The following DNAH5 variants were observed in gnomAD, a reference collection of about 807,000 sequenced individuals.
DNAH5 encodes the protein axonemal beta dynein heavy chain 5.
DNAH5 carries 372 observed loss-of-function variants against 518.2 expected under a neutral mutation model. The ratio of observed to expected loss-of-function variants is 0.72; its 90% CI spans 0.66 to 0.78. The LOEUF is 0.78. Among genes scored for constraint, DNAH5 ranks in the 30% least tolerant of loss-of-function variants. The probability of loss-of-function intolerance (pLI) is 0.00; values close to 1 mark genes in which losing one functional copy is unlikely to be tolerated. For synonymous variants in DNAH5, 2,039 were observed against 2,025.9 expected (o/e 1.01, Z -0.17); for missense variants, 5,523 against 5,687.0 (o/e 0.97, Z 0.93).
rs529073032 is a variant in DNAH5 at position 13,836,053 on chromosome 5, T to C, written c.5882+3303A>G. On this transcript the variant is annotated intron_variant, in intron 35 of 78. Transcript: ENST00000265104. ...ACTCCAGGGAGTGTTGGATTGCCCA[T>C]TTGGAGGTGATGTATTCACAGGCTT... Among the ~76,000 whole-genome samples the C allele has an allele frequency of 2.6e-5, 4 of 152,204 alleles. No homozygotes were observed. In the South Asian group the frequency reaches 8.3e-4, roughly 32 times the overall value.
chr5:13,980,616 C>CA (rs1782606127), intron 1 of DNAH5, among the ~76,000 whole-genome samples: 1 of 152,156 alleles, frequency 6.6e-6, no homozygotes, highest in Non-Finnish European at 1.5e-5. Flanking sequence ...CTAGCTCATC[C>CA]ACCACTACCA....
chr5:14,001,287 T>TGGAAAAATAAAATA (rs1257924093), intron 1 of DNAH5, among the ~76,000 whole-genome samples: 3 of 152,206 alleles, frequency 2.0e-5, no homozygotes, highest in African/African-American at 4.8e-5. Flanking sequence ...CCCCTAATTC[T>TGGAAAAATAAAATA]AAAATAAAAG....
intron 1 of DNAH5, 71 bp from the exon 2 acceptor site, chr5:13,931,315 A>G: frequency 6.3e-7 from 1 of 1,599,772 alleles, no homozygotes; most frequent in East Asian, 2.2e-5. Flanking sequence ...TAATAATTTC[A>G]TACAATTGTT....
At chr5:13,959,140 T>A (rs1467230489) in intron 1 of DNAH5, among the ~76,000 whole-genome samples, 1 of 152,142 alleles carries the variant, frequency 6.6e-6, no homozygotes, top group African/African-American at 2.4e-5. Flanking sequence ...AGAGACGGGG[T>A]TTCACCATGT....
At chr5:13,782,229 A>C (rs116505399) in intron 52 of DNAH5, among the ~76,000 whole-genome samples, 286 of 152,254 alleles carry the variant, frequency 1.9e-3, no homozygotes, top group African/African-American at 6.7e-3. Context: ...AAGCTTCCTG[A>C]AGTCACTGGG....
intron 75 of DNAH5, among the ~76,000 whole-genome samples, chr5:13,713,822 C>T (rs532613352): frequency 1.3e-5 from 2 of 151,926 alleles, no homozygotes; most frequent in South Asian, 2.1e-4. Context: ...ACCACCTGTA[C>T]CCCAATAACT....
At chr5:13,962,629 C>T (rs998451584) in intron 1 of DNAH5, among the ~76,000 whole-genome samples, 1 of 152,162 alleles carries the variant, frequency 6.6e-6, no homozygotes, top group Non-Finnish European at 1.5e-5. Context: ...AGCCAATGGG[C>T]AGGCATCAGT....
At chr5:13,848,013 T>C (rs1401985587) in intron 31 of DNAH5, among the ~76,000 whole-genome samples, 1 of 152,210 alleles carries the variant, frequency 6.6e-6, no homozygotes, top group Admixed American at 6.5e-5. Flanking sequence ...GATCCTGGTG[T>C]TAGGCACAGA....
At chr5:13,840,800 T>G in intron 34 of DNAH5, 106 bp downstream of exon 34, 1 of 912,702 alleles carries the variant, frequency 1.1e-6, no homozygotes, top group African/African-American at 1.7e-5. Flanking sequence ...TTTGCCAGAA[T>G]TTAATTTTTT....
chr5:13,984,398 A>G (rs1456193933), intron 1 of DNAH5, among the ~76,000 whole-genome samples: 1 of 152,188 alleles, frequency 6.6e-6, no homozygotes, highest in African/African-American at 2.4e-5. Flanking sequence ...GACTTTGCTG[A>G]AGTTGCTTAT....
chr5:13,960,292 A>C (rs1781090947), intron 1 of DNAH5, among the ~76,000 whole-genome samples: 1 of 152,192 alleles, frequency 6.6e-6, no homozygotes, highest in African/African-American at 2.4e-5. Flanking sequence ...GAGGAGGTGC[A>C]CAGATGAGTG....
Position 13,811,651 on chromosome 5 carries a change from A to G in DNAH5, c.7403T>C (p.Leu2468Pro), listed in dbSNP as rs1760733238. 1 of 1,613,992 alleles carries G rather than the reference A, an allele frequency of 6.2e-7. No individual in the cohort carries two copies. Among genetic ancestry groups the G allele is most frequent in the Admixed American group, 1.7e-5 (1 of 60,004 alleles). Residue 2468 changes from leucine to proline, a missense_variant, in exon 44 of 79, where the codon CTG (leucine) becomes CCG (proline). This residue lies in a region of DNAH5 where 5,121 missense variants were observed against 5,223.3 expected (regional missense o/e 0.98). Coordinates refer to ENST00000265104, the MANE Select transcript of DNAH5 (RefSeq NM_001369.3). Reference sequence around the variant, plus strand: ...CTAGAAAGTTGAGCAATTTACCTTCAGAGGAATCAGGCCTTGAAGCATGTT... The same window carrying G: ...CTAGAAAGTTGAGCAATTTACCTTCGGAGGAATCAGGCCTTGAAGCATGTT... ...SINMLQGLIP[L>P]KEQGGEVSQA...
intron 1 of DNAH5, among the ~76,000 whole-genome samples, chr5:13,977,713 C>G (rs775637146): frequency 4.6e-5 from 7 of 152,106 alleles, no homozygotes; most frequent in Admixed American, 3.3e-4. Context: ...GGTCCCAGCC[C>G]AGGATGGGAT....
chr5:13,770,995 G>C lies in DNAH5; in HGVS notation c.9374-15C>G, dbSNP rs779885132. On this transcript the variant is annotated splice_polypyrimidine_tract_variant and intron_variant, in intron 55 of 78. Transcript: ENST00000265104. The stretch of plus-strand genomic sequence containing the variant: ...GTGTTCAGACACTAGAGAGAATAAA[G>C]ATGACAGTGTGTGAAATATGTATGT... 12 of 1,570,696 alleles carry C rather than the reference G, an allele frequency of 7.6e-6. No individual in the cohort carries two copies. Among genetic ancestry groups the C allele is most frequent in the Non-Finnish European group, 1.1e-5 (12 of 1,141,040 alleles).
Position 13,844,991 on chromosome 5 carries a change from T to C in DNAH5, c.5117A>G (p.Tyr1706Cys), listed in dbSNP as rs1375706438. ...LEICQKSLTG[Y>C]LEKKRLCFPR... Reference sequence around the variant, plus strand: ...AAAGCACAGTCGTTTTTTCTCCAAGTACCTACAAGGAGAGGAAAAACATAA... The same window carrying C: ...AAAGCACAGTCGTTTTTTCTCCAAGCACCTACAAGGAGAGGAAAAACATAA... Residue 1706 changes from tyrosine to cysteine, a missense_variant and splice_region_variant, in exon 32 of 79, where the codon TAC (tyrosine) becomes TGC (cysteine). Tyr to Cys is a radical substitution (Grantham distance 194). Transcript: ENST00000265104. The C allele has an allele frequency of 6.2e-7, 1 of 1,613,146 alleles. No homozygotes were observed. The highest frequency in any genetic ancestry group is 2.2e-5 in the East Asian group (1 of 44,830).
chr5:13,986,762 G>A (rs1219817390), intron 1 of DNAH5, among the ~76,000 whole-genome samples: 2 of 152,092 alleles, frequency 1.3e-5, no homozygotes, highest in Non-Finnish European at 2.9e-5. Flanking sequence ...GCAAGCAAAA[G>A]AATCCTAACT....
At chr5:13,951,071 C>T (rs1483391717) in intron 1 of DNAH5, among the ~76,000 whole-genome samples, 1 of 152,078 alleles carries the variant, frequency 6.6e-6, no homozygotes, top group Non-Finnish European at 1.5e-5. Flanking sequence ...ATGGTCTTCA[C>T]ATTTTGCTAC....
At chr5:13,909,729 T>C (rs1377733171) in intron 12 of DNAH5, among the ~76,000 whole-genome samples, 8 of 152,200 alleles carry the variant, frequency 5.3e-5, no homozygotes, top group Admixed American at 5.2e-4. Flanking sequence ...AATGCTAAAT[T>C]CATTACTCTG....
chr5:13,901,987 G>T, intron 13 of DNAH5, 66 bp downstream of exon 13: 1 of 1,111,824 alleles, frequency 9.0e-7, no homozygotes, highest in South Asian at 1.3e-5. Flanking sequence ...ATAATAATAG[G>T]AATAACAACA....
Sources: allele counts gnomAD v4.1 joint callset (sites outside exome capture counted in the v4.1 genomes callset), GRCh38; gene constraint gnomAD v4.1.1; regional missense constraint gnomAD v4.1.1; transcripts MANE v1.5; gene names NCBI Gene and HGNC (gene_info 2026-07-23, HGNC 2026-07-21).